The following KCNH7 variants were observed in gnomAD, a reference collection of about 807,000 sequenced individuals.
KCNH7 encodes the protein potassium voltage-gated channel subfamily H member 7.
Under a neutral mutation model 120.8 loss-of-function variants are expected in KCNH7, and 49 were observed. The ratio of observed to expected loss-of-function variants is 0.41; its 90% CI spans 0.32 to 0.51. KCNH7 has a LOEUF of 0.51. Ranked by LOEUF, KCNH7 falls within the 20% of genes least tolerant of loss-of-function variation. KCNH7 has a pLI of 0.38. For missense variants in KCNH7, 1,097 were observed against 1,446.6 expected (o/e 0.76, Z 3.92); for synonymous variants, 547 against 516.1 (o/e 1.06, Z -0.81).
chr2:162,462,663 G>T (rs115373048), intron 6 of KCNH7, among the ~76,000 whole-genome samples: 1 of 151,994 alleles, frequency 6.6e-6, no homozygotes, highest in South Asian at 2.1e-4. Flanking sequence ...ATAAAGTCAA[G>T]GATGGCAACT....
At chr2:162,391,626 T>C (rs1389659151) in intron 12 of KCNH7, among the ~76,000 whole-genome samples, 1 of 152,040 alleles carries the variant, frequency 6.6e-6, no homozygotes, top group Non-Finnish European at 1.5e-5. Flanking sequence ...GTATTCAAAA[T>C]CAACAGAAAT....
At chr2:162,667,113 G>A (rs1314618715) in intron 2 of KCNH7, among the ~76,000 whole-genome samples, 2 of 149,144 alleles carry the variant, frequency 1.3e-5, no homozygotes, top group South Asian at 2.1e-4. Context: ...TCGACCTCCC[G>A]GGCTCAAGCG....
At chr2:162,517,374 G>A (rs1035979260) in intron 4 of KCNH7, among the ~76,000 whole-genome samples, 1 of 151,790 alleles carries the variant, frequency 6.6e-6, no homozygotes, top group Non-Finnish European at 1.5e-5. Context: ...TCTTCCCAGG[G>A]CATGATCATT....
intron 13 of KCNH7, among the ~76,000 whole-genome samples, chr2:162,383,452 C>T (rs1271740555): frequency 1.3e-5 from 2 of 151,864 alleles, no homozygotes; most frequent in Non-Finnish European, 2.9e-5. Context: ...ATATTCTTAG[C>T]TTACTTCAAT....
At chr2:162,531,309 G>A (rs1050174128) in intron 3 of KCNH7, among the ~76,000 whole-genome samples, 6 of 151,836 alleles carry the variant, frequency 4.0e-5, no homozygotes, top group Non-Finnish European at 8.8e-5. Flanking sequence ...AGTTTTAAAC[G>A]GACACATTAT....
At chr2:162,647,920 A>T (rs1030136274) in intron 2 of KCNH7, among the ~76,000 whole-genome samples, 1 of 152,206 alleles carries the variant, frequency 6.6e-6, no homozygotes, top group Non-Finnish European at 1.5e-5. Flanking sequence ...GGTACTAAAT[A>T]AACAATTATT....
At chr2:162,821,291 G>T (rs754029130) in intron 2 of KCNH7, among the ~76,000 whole-genome samples, 31 of 152,274 alleles carry the variant, frequency 2.0e-4, no homozygotes, top group Non-Finnish European at 4.0e-4. Context: ...TTCACAAAAC[G>T]GTTAAGGTTA....
chr2:162,531,553 T>C (rs962055801), intron 3 of KCNH7, among the ~76,000 whole-genome samples: 1 of 152,000 alleles, frequency 6.6e-6, no homozygotes, highest in Non-Finnish European at 1.5e-5. Flanking sequence ...TCATTAATGA[T>C]TGCATTTGTT....
intron 2 of KCNH7, among the ~76,000 whole-genome samples, chr2:162,772,386 T>C (rs1683088652): frequency 6.6e-6 from 1 of 152,230 alleles, no homozygotes; most frequent in African/African-American, 2.4e-5. Context: ...AGTAAACAGT[T>C]TTCAGGTTCT....
chr2:162,536,913 C>T lies in KCNH7; in HGVS notation c.463+12G>A, dbSNP rs199865005. 70 of 1,609,154 alleles carry T rather than the reference C, an allele frequency of 4.4e-5. No homozygotes were observed. Among genetic ancestry groups the T allele is most frequent in the African/African-American group, 1.9e-4 (14 of 74,836 alleles). ...TATCAAGAGCATTGAGTACACATTGCCTTTTACTTACGGTTTACAGTTTTG... is the reference window on the plus strand; with the variant it reads ...TATCAAGAGCATTGAGTACACATTGTCTTTTACTTACGGTTTACAGTTTTG... On this transcript the variant is annotated intron_variant, in intron 3 of 15. Coordinates refer to ENST00000332142, the MANE Select transcript of KCNH7 (RefSeq NM_033272.4).
rs185555907 is a variant in KCNH7 at position 162,412,053 on chromosome 2, A to G, written c.2154+11283T>C. Among the ~76,000 whole-genome samples the G allele has an allele frequency of 1.9e-3, 283 of 152,120 alleles. 3 individuals are homozygous for G. The highest frequency in any genetic ancestry group is 6.4e-3 in the African/African-American group (266 of 41,562). ...AGAAGTCCTTCAGAATTTGTTAAAG[A>G]AAAATAAATTAACCCAAAACTTGGT... On this transcript the variant is annotated intron_variant, in intron 9 of 15. Transcript: ENST00000332142.
intron 2 of KCNH7, among the ~76,000 whole-genome samples, chr2:162,576,955 G>A (rs904227340): frequency 8.6e-5 from 13 of 151,212 alleles, no homozygotes; most frequent in East Asian, 3.9e-4. Flanking sequence ...TCTGTTGCCC[G>A]GGCTGGAGTA....
chr2:162,616,247 C>T (rs2105183233), intron 2 of KCNH7, among the ~76,000 whole-genome samples: 1 of 152,244 alleles, frequency 6.6e-6, no homozygotes, highest in Non-Finnish European at 1.5e-5. Context: ...AAACCTATGA[C>T]CCTTACATTG....
intron 2 of KCNH7, among the ~76,000 whole-genome samples, chr2:162,717,880 A>T (rs1022684424): frequency 6.6e-6 from 1 of 152,086 alleles, no homozygotes; most frequent in Non-Finnish European, 1.5e-5. Context: ...TCCTTAGCTG[A>T]CATCTAGAAG....
intron 3 of KCNH7, among the ~76,000 whole-genome samples, chr2:162,520,337 C>T (rs1487379231): frequency 6.6e-6 from 1 of 151,540 alleles, no homozygotes; most frequent in Non-Finnish European, 1.5e-5. Context: ...TCATTTCTCT[C>T]ATCTTCACTG....
At chr2:162,513,379 T>TTCCC (rs1272767246) in intron 4 of KCNH7, among the ~76,000 whole-genome samples, 4 of 141,062 alleles carry the variant, frequency 2.8e-5, no homozygotes, top group Non-Finnish European at 6.3e-5. Flanking sequence ...CCTTCCTTCC[T>TTCCC]TCCTTCTCTC....
intron 2 of KCNH7, chr2:162,771,878 G>T (rs1683067048): frequency 6.6e-6 from 1 of 152,080 alleles, no homozygotes; most frequent in African/African-American, 2.4e-5. Context: ...GATAGTATTT[G>T]CTCTTAAAAA....
rs779418084 is a variant in KCNH7 at position 162,441,999 on chromosome 2, CTTTTTTTTTTTTTTTTTTTTTT to C, written c.1554+3997_1554+4018del. 8.8e-3 allele frequency among the ~76,000 whole-genome samples: 365 copies of C among 41,634 alleles called. 6 individuals are homozygous for C. Among genetic ancestry groups the C allele is most frequent in the African/African-American group, 0.023 (350 of 15,508 alleles). 27.3% of individuals were successfully genotyped at this position (41,634 alleles called of 152,430 possible). Reference sequence around the variant, plus strand: ...GAAAAAAATTAAATAGTTAGGTCTTCTTTTTTTTTTTTTTTTTTTTTTTTTTTTTTTTTTTGAGATGGAGTCT... The same window carrying C: ...GAAAAAAATTAAATAGTTAGGTCTTCTTTTTTTTTTTTTGAGATGGAGTCT... On this transcript the variant is annotated intron_variant, in intron 7 of 15. Transcript: ENST00000332142.
intron 2 of KCNH7, among the ~76,000 whole-genome samples, chr2:162,792,937 CT>C (rs1419440839): frequency 1.3e-5 from 2 of 151,782 alleles, no homozygotes; most frequent in African/African-American, 4.8e-5. Flanking sequence ...AGCTTTCTAA[CT>C]TTTTGATATG....
Sources: allele counts gnomAD v4.1 joint callset (sites outside exome capture counted in the v4.1 genomes callset), GRCh38; gene constraint gnomAD v4.1.1; transcripts MANE v1.5; gene names NCBI Gene and HGNC (gene_info 2026-07-23, HGNC 2026-07-21).